Variants in TEC observed in about 807,000 individuals in gnomAD.
TEC encodes the protein tec protein tyrosine kinase, also known as tyrosine-protein kinase Tec.
Under a neutral mutation model 93.0 loss-of-function variants are expected in TEC, and 72 were observed. That is an observed-to-expected ratio of 0.77 (90% CI 0.64 to 0.94). The LOEUF is 0.94. Ranked by LOEUF, TEC falls within the 40% of genes least tolerant of loss-of-function variation. The pLI, the probability that TEC is intolerant of heterozygous loss-of-function variation, is 0.00. For synonymous variants in TEC, 249 were observed against 247.7 expected (o/e 1.01, Z -0.05); for missense variants, 630 against 757.9 (o/e 0.83, Z 1.98).
intron 2 of TEC, among the ~76,000 whole-genome samples, chr4:48,180,930 C>T (rs1005134475): frequency 1.3e-5 from 2 of 152,024 alleles, no homozygotes; most frequent in Non-Finnish European, 2.9e-5. Context: ...AAGTTCTAAA[C>T]CAAGTCAGTG....
At chr4:48,269,059 C>G (rs1232771308) in intron 1 of TEC, among the ~76,000 whole-genome samples, 1 of 151,038 alleles carries the variant, frequency 6.6e-6, no homozygotes, top group Non-Finnish European at 1.5e-5. Context: ...ATTGGCCGGG[C>G]ACCTGTTTTC....
chr4:48,175,817 C>A (rs1306470637), intron 3 of TEC, among the ~76,000 whole-genome samples: 1 of 152,198 alleles, frequency 6.6e-6, no homozygotes, highest in Non-Finnish European at 1.5e-5. Context: ...CTTTTAATCT[C>A]ATTTCCACTT....
At chr4:48,226,773 C>T (rs1321618876) in intron 2 of TEC, among the ~76,000 whole-genome samples, 1 of 152,102 alleles carries the variant, frequency 6.6e-6, no homozygotes, top group African/African-American at 2.4e-5. Flanking sequence ...CCTAACCCTA[C>T]ATTGACAAGA....
chr4:48,182,553 G>GTC (rs1721636811), intron 2 of TEC, among the ~76,000 whole-genome samples: 1 of 149,260 alleles, frequency 6.7e-6, no homozygotes, highest in Non-Finnish European at 1.5e-5. Context: ...GTGTGTGTGT[G>GTC]TGTGTGTGTG....
In TEC at chr4:48,145,231, T is replaced by C; in HGVS notation, c.1318A>G (p.Ile440Val). The C allele has an allele frequency of 3.7e-6, 6 of 1,614,126 alleles. No individual in the cohort carries two copies. Among genetic ancestry groups the C allele is most frequent in the South Asian group, 1.1e-5 (1 of 91,084 alleles). ...CCCCTTTCCATGAACTCAGTAACAA[T>C]GTATATTGGTTTCTGCTGGGTGCAC... ...GVCTQQKPIY[I>V]VTEFMERGCL... is the part of the protein sequence containing the mutation. Residue 440 changes from isoleucine to valine, a missense_variant, in exon 14 of 18, where the codon ATT becomes GTT. This residue lies in a region of TEC where 289 missense variants were observed against 390.0 expected (regional missense o/e 0.74). Coordinates refer to ENST00000381501, the MANE Select transcript of TEC (RefSeq NM_003215.3).
At chr4:48,210,464 G>A (rs921137675) in intron 2 of TEC, among the ~76,000 whole-genome samples, 19 of 150,852 alleles carry the variant, frequency 1.3e-4, no homozygotes, top group African/African-American at 4.4e-4. Context: ...CAGTCTGAGT[G>A]ACAGAATGAG....
intron 2 of TEC, among the ~76,000 whole-genome samples, chr4:48,186,746 G>A (rs1228407152): frequency 7.0e-5 from 10 of 142,328 alleles, no homozygotes; most frequent in African/African-American, 2.4e-4. Context: ...CCGGTCAGCC[G>A]CCCCGTCCGG....
chr4:48,262,455 C>A (rs1724523514), intron 1 of TEC, among the ~76,000 whole-genome samples: 1 of 152,014 alleles, frequency 6.6e-6, no homozygotes, highest in South Asian at 2.1e-4. Context: ...CCTCAGCCTT[C>A]CAAAGTGCTA....
At chr4:48,156,552 G>A (rs1720409146) in intron 9 of TEC, 128 bp downstream of exon 9, 1 of 714,272 alleles carries the variant, frequency 1.4e-6, no homozygotes, top group Non-Finnish European at 2.2e-6. Flanking sequence ...CTCAGCCTCT[G>A]GGAATAGTTT....
At position 48,228,512 on chromosome 4, in the gene TEC, T is replaced by C; in HGVS notation, c.103A>G (p.Lys35Glu). The C allele has an allele frequency of 6.2e-7, 1 of 1,612,642 alleles. No individual in the cohort carries two copies. The highest frequency in any genetic ancestry group is 2.2e-5 in the East Asian group (1 of 44,828). The change falls in exon 2 of 18, where the codon AAG becomes GAG. Residue 35 changes from lysine (K) to glutamate (E), a missense_variant. Physicochemically the swap from Lys to Glu is moderately conservative, Grantham distance 56. Coordinates refer to ENST00000381501, the MANE Select transcript of TEC (RefSeq NM_003215.3). ...CCCTCATAGTAGGTTAGCATGGACT[T>C]TGTAAGTACAAAAAGTCTCTCTTTG... is the stretch of plus-strand genomic sequence containing the variant. ...NYKERLFVLT[K>E]SMLTYYEGRA...
intron 7 of TEC, among the ~76,000 whole-genome samples, chr4:48,165,743 C>T (rs749839828): frequency 4.6e-5 from 7 of 152,146 alleles, no homozygotes; most frequent in Non-Finnish European, 1.0e-4. Flanking sequence ...AAATGACCTG[C>T]TTTCATCAAT....
chr4:48,248,343 G>C (rs1724113860), intron 1 of TEC, among the ~76,000 whole-genome samples: 1 of 152,186 alleles, frequency 6.6e-6, no homozygotes, highest in Admixed American at 6.5e-5. Context: ...GGCACACGTG[G>C]CTTCTTGAAC....
At chr4:48,190,960 A>G (rs1054049507) in intron 2 of TEC, among the ~76,000 whole-genome samples, 3 of 152,232 alleles carry the variant, frequency 2.0e-5, no homozygotes, top group Admixed American at 1.3e-4. Flanking sequence ...AAATTTATTG[A>G]ACATGCCACA....
At chr4:48,156,024 T>C (rs1474324373) in intron 9 of TEC, among the ~76,000 whole-genome samples, 1 of 152,236 alleles carries the variant, frequency 6.6e-6, no homozygotes, top group Non-Finnish European at 1.5e-5. Context: ...TATTCTTATT[T>C]TGTGGCAATA....
At chr4:48,187,434 TAAAAA>T (rs59244907) in intron 2 of TEC, among the ~76,000 whole-genome samples, 2 of 134,234 alleles carry the variant, frequency 1.5e-5, no homozygotes, top group Non-Finnish European at 3.2e-5. Context: ...CAATAAATAC[TAAAAA>T]AAAAAAAAAA....
At chr4:48,247,275 C>CA (rs1359745256) in intron 1 of TEC, among the ~76,000 whole-genome samples, 1 of 152,204 alleles carries the variant, frequency 6.6e-6, no homozygotes. Flanking sequence ...TCAGAACCCT[C>CA]ACACATTGCT....
At chr4:48,262,214 T>TTTTTTTTTTTTTTTTTTA (rs1457544109) in intron 1 of TEC, among the ~76,000 whole-genome samples, 1 of 145,088 alleles carries the variant, frequency 6.9e-6, no homozygotes, top group African/African-American at 2.5e-5. Context: ...TTTTTTTTTT[T>TTTTTTTTTTTTTTTTTTA]GAGACGGAGT....
chr4:48,146,240 GAAATAGTACACATCC>G, intron 12 of TEC, 70 bp downstream of exon 12: 1 of 1,297,736 alleles, frequency 7.7e-7, no homozygotes, highest in South Asian at 1.3e-5. Context: ...TCCAGTATGT[GAAATAGTACACATCC>G]AAATTTATCT....
intron 1 of TEC, among the ~76,000 whole-genome samples, chr4:48,235,166 T>C (rs1370128123): frequency 2.6e-5 from 4 of 152,200 alleles, no homozygotes; most frequent in South Asian, 2.1e-4. Flanking sequence ...ATTAAACTGA[T>C]TCACGTAGAC....
Sources: allele counts gnomAD v4.1 joint callset (sites outside exome capture counted in the v4.1 genomes callset), GRCh38; gene constraint gnomAD v4.1.1; regional missense constraint gnomAD v4.1.1; transcripts MANE v1.5; gene names NCBI Gene and HGNC (gene_info 2026-07-23, HGNC 2026-07-21).